The following SGCE variants were observed in gnomAD, a reference collection of about 807,000 sequenced individuals.
SGCE encodes the protein epsilon-sarcoglycan.
A neutral mutation model predicts 57.8 loss-of-function variants in SGCE; 26 were observed. The observed-to-expected ratio is 0.45, with a 90% CI of 0.33 to 0.62. SGCE has a LOEUF of 0.62. Among genes scored for constraint, SGCE ranks in the 20% least tolerant of loss-of-function variants. The probability of loss-of-function intolerance (pLI) is 0.02; values close to 1 mark genes in which losing one functional copy is unlikely to be tolerated. For synonymous variants in SGCE, 183 were observed against 189.5 expected (o/e 0.97, Z 0.28); for missense variants, 468 against 548.6 (o/e 0.85, Z 1.47).
intron 10 of SGCE, chr7:94,586,997 G>A (rs1374800626): frequency 1.0e-6 from 1 of 983,748 alleles, no homozygotes; most frequent in Non-Finnish European, 1.2e-6. Flanking sequence ...GCAGAAAAAT[G>A]TAAGAAAACA....
At chr7:94,634,655 T>C in intron 1 of SGCE, among the ~76,000 whole-genome samples, 1 of 152,302 alleles carries the variant, frequency 6.6e-6, no homozygotes, top group South Asian at 2.1e-4. Flanking sequence ...CACATAGGGC[T>C]CTGCTAGATG....
rs1804098611 is a variant in SGCE at position 94,628,374 on chromosome 7, G to T, written c.233-15C>A. The stretch of plus-strand genomic sequence containing the variant: ...ACTAATCTCGCCTAGATAAGAAACA[G>T]AGAATTAAGACATAAGACAGTTATT... On this transcript the variant is annotated splice_polypyrimidine_tract_variant and intron_variant, in intron 2 of 10. Transcript: ENST00000648936. The T allele has an allele frequency of 6.3e-7, 1 of 1,582,014 alleles. No individual in the cohort carries two copies. The highest frequency in any genetic ancestry group is 1.1e-5 in the South Asian group (1 of 90,266).
At chr7:94,655,969 C>T in intron 1 of SGCE, 21 bp downstream of exon 1, 9 of 1,515,244 alleles carry the variant, frequency 5.9e-6, no homozygotes, top group African/African-American at 1.4e-5. Context: ...GGGACCTCCA[C>T]GTCGCGCGCA....
chr7:94,586,085 A>C (rs1054962595), intron 10 of SGCE, among the ~76,000 whole-genome samples: 25 of 150,678 alleles, frequency 1.7e-4, no homozygotes, highest in South Asian at 4.2e-4. Context: ...AAAAAAAAAA[A>C]AACAACAACT....
At chr7:94,653,741 G>A (rs1808204942) in intron 1 of SGCE, among the ~76,000 whole-genome samples, 1 of 151,828 alleles carries the variant, frequency 6.6e-6, no homozygotes, top group Admixed American at 6.6e-5. Context: ...TCTAAGCAAA[G>A]TGAAAATATT....
At chr7:94,633,724 A>C (rs561418084) in intron 1 of SGCE, among the ~76,000 whole-genome samples, 25 of 152,192 alleles carry the variant, frequency 1.6e-4, no homozygotes, top group Non-Finnish European at 3.5e-4. Context: ...ATGGGTGTGC[A>C]CGTGTGCTTA....
At chr7:94,587,066 C>G in intron 10 of SGCE, 4 of 984,944 alleles carry the variant, frequency 4.1e-6, no homozygotes, top group Non-Finnish European at 4.8e-6. Context: ...TTGACTCAAG[C>G]AAAATACCTG....
chr7:94,588,767 T>G, intron 9 of SGCE, 35 bp from the exon 10 acceptor site: 7 of 1,613,108 alleles, frequency 4.3e-6, no homozygotes, highest in Non-Finnish European at 5.9e-6. Flanking sequence ...TAAAACTGTT[T>G]GTTTACACAC....
chr7:94,641,936 A>G (rs1806437663), intron 1 of SGCE, among the ~76,000 whole-genome samples: 1 of 152,132 alleles, frequency 6.6e-6, no homozygotes, highest in South Asian at 2.1e-4. Flanking sequence ...TGCTGGGACC[A>G]CTGCAACCGG....
intron 10 of SGCE, chr7:94,588,437 T>C (rs1797202690): frequency 1.5e-6 from 2 of 1,290,740 alleles, no homozygotes; most frequent in Non-Finnish European, 2.0e-6. Context: ...TTTCATTCAG[T>C]CTTCCTTAAT....
chr7:94,644,625 G>C (rs1562894259), intron 1 of SGCE: 2 of 1,284,408 alleles, frequency 1.6e-6, no homozygotes, highest in Non-Finnish European at 2.0e-6. Context: ...AAACTGTCAA[G>C]TCTTTCTCTG....
chr7:94,597,963 C>T lies in SGCE; in HGVS notation c.1253+812G>A, dbSNP rs559235992. The T allele has an allele frequency of 0.035, 5,763 of 164,376 alleles. 169 individuals carry two copies. The highest frequency in any genetic ancestry group is 0.051 in the Non-Finnish European group (3,948 of 76,816). 10.2% of individuals were successfully genotyped at this position (164,376 alleles called of 1,614,324 possible). On this transcript the variant is annotated intron_variant, in intron 9 of 10. Coordinates refer to ENST00000648936, the MANE Select transcript of SGCE (RefSeq NM_003919.3). ...CGGAGGCTGCAGTGAGCCAAGATCG[C>T]TCCATTGCACTCCAGCCTGGGCAAC... is the stretch of plus-strand genomic sequence containing the variant.
rs145607529 is a variant in SGCE at position 94,628,841 on chromosome 7, A to G, written c.233-482T>C. 991 of 168,750 alleles carry G rather than the reference A, an allele frequency of 5.9e-3. 7 individuals are homozygous for G. Among genetic ancestry groups the G allele is most frequent in the South Asian group, 0.026 (174 of 6,570 alleles). 10.5% of individuals were successfully genotyped at this position (168,750 alleles called of 1,614,324 possible). A position where few individuals can be genotyped will look rare whatever the true frequency, so the allele number is the denominator to read the frequency against. ...AGGATGAAAAAGACGTTACAAATCC[A>G]TAACAACTGTACTAACGACAGCATT... On this transcript the variant is annotated intron_variant, in intron 2 of 10. Coordinates refer to ENST00000648936, the MANE Select transcript of SGCE (RefSeq NM_003919.3).
At chr7:94,608,065 C>T (rs1417638310) in intron 5 of SGCE, among the ~76,000 whole-genome samples, 1 of 152,118 alleles carries the variant, frequency 6.6e-6, no homozygotes, top group African/African-American at 2.4e-5. Flanking sequence ...AAACAGAGGC[C>T]GGGTGTGATG....
intron 4 of SGCE, chr7:94,621,893 C>T (rs955983522): frequency 1.3e-5 from 2 of 152,148 alleles, no homozygotes; most frequent in Non-Finnish European, 2.9e-5. Flanking sequence ...AGTCTTCAGT[C>T]CAGGCCCACA....
At chr7:94,618,004 A>G (rs1220148632) in intron 5 of SGCE, 2 of 152,236 alleles carry the variant, frequency 1.3e-5, no homozygotes, top group Non-Finnish European at 2.9e-5. Context: ...GAGGTAGGAA[A>G]AGCAAATCTG....
At chr7:94,624,302 T>A (rs1013563300) in intron 3 of SGCE, 1 of 397,894 alleles carries the variant, frequency 2.5e-6, no homozygotes. Context: ...AAATATCTTG[T>A]GCATTTTAAA....
At chr7:94,642,341 G>T (rs1806507749) in intron 1 of SGCE, among the ~76,000 whole-genome samples, 1 of 152,008 alleles carries the variant, frequency 6.6e-6, no homozygotes, top group Non-Finnish European at 1.5e-5. Context: ...GCTAAAACAG[G>T]ATCAGAAATG....
chr7:94,585,446 T>G lies in SGCE; in HGVS notation c.*53A>C. ...ATTGGAAGAGAAAAGAAATGTGATG[T>G]AACTGCTATATTGTCTGATTATAAA... On this transcript the variant is annotated 3_prime_UTR_variant, in exon 11 of 11. Transcript: ENST00000648936. The G allele has an allele frequency of 6.5e-7, 1 of 1,540,010 alleles. No homozygotes were observed. The highest frequency in any genetic ancestry group is 9.0e-7 in the Non-Finnish European group (1 of 1,112,966).
Sources: gnomAD v4.1 joint callset for allele counts (sites outside exome capture counted in the v4.1 genomes callset) on GRCh38, gnomAD v4.1.1 for gene constraint, MANE v1.5 for transcripts, NCBI Gene and HGNC (gene_info 2026-07-23, HGNC 2026-07-21) for gene names.